TNXB: variants seen among roughly 807,000 people sequenced by gnomAD.
TNXB encodes tenascin XB, also known as tenascin-X.
TNXB carries 183 observed loss-of-function variants against 340.5 expected under a neutral mutation model. The observed-to-expected ratio is 0.54, with a 90% CI of 0.48 to 0.61. The LOEUF is 0.61. TNXB is among the 20% of genes least tolerant of loss of function. TNXB has a pLI of 0.00. For missense variants in TNXB, 4,613 were observed against 5,446.4 expected (o/e 0.85, Z 4.82); for synonymous variants, 2,121 against 2,314.5 (o/e 0.92, Z 2.40).
chr6:32,083,994 C>T lies in TNXB; in HGVS notation c.3445+419G>A, dbSNP rs961418598. Among the ~76,000 whole-genome samples the T allele has an allele frequency of 3.3e-5, 5 of 152,184 alleles. No homozygotes were observed. The highest frequency in any genetic ancestry group is 7.4e-5 in the Non-Finnish European group (5 of 68,018). ...CTCTTAACTCACTTCTCCAGCTAGT[C>T]TCAGCAGCCACCCGGTTATTTGCAA... On this transcript the variant is annotated intron_variant, in intron 8 of 43. Transcript: ENST00000644971. The surrounding 1 kb of genome is among the most constrained non-coding windows in gnomAD (Gnocchi z 4.6).
rs763079484 is a variant in TNXB, at chr6:32,097,147, G to C, written c.706C>G (p.Arg236Gly). The C allele has an allele frequency of 3.1e-6, 5 of 1,597,476 alleles. No individual in the cohort carries two copies. Among genetic ancestry groups the C allele is most frequent in the South Asian group, 2.2e-5 (2 of 89,012 alleles). ...GRCVQGVCVC[R>G]AGFSGPDCSQ... is the part of the protein sequence containing the mutation. ...CAGTCGGGGCCTGAGAAGCCTGCCC[G>C]GCACACACACACGCCCTGCACGCAG... The change falls in exon 3 of 44, where the codon CGG becomes GGG. Residue 236 changes from arginine (R) to glycine (G), a missense_variant. By Grantham distance (125) the Arg-to-Gly change is moderately radical. Transcript: ENST00000644971. This position sits in a 1 kb window ranked among gnomAD's most constrained non-coding sequence, Gnocchi z 5.9.
Position 32,067,966 on chromosome 6 carries a change from G to A in TNXB, c.6239C>T (p.Pro2080Leu), listed in dbSNP as rs1363390516. The part of the protein sequence containing the change: ...VGVTAAEEET[P>L]SPTEPSMEAP... ...CTCCATGCTGGGTTCTGTGGGGCTG[G>A]GGGTCTCTTCCTCTGCAGCTGAGAA... is the stretch of plus-strand genomic sequence containing the variant. The change falls in exon 18 of 44, where the codon CCC becomes CTC. Residue 2080 changes from proline (P) to leucine (L), a missense_variant. Physicochemically the swap from Pro to Leu is moderately conservative, Grantham distance 98. Transcript: ENST00000644971. This position sits in a 1 kb window ranked among gnomAD's most constrained non-coding sequence, Gnocchi z 4.2. 1.9e-6 allele frequency: 3 copies of A among 1,611,782 alleles called. No individual in the cohort carries two copies. Among genetic ancestry groups the A allele is most frequent in the Non-Finnish European group, 2.5e-6 (3 of 1,179,282 alleles).
chr6:32,086,989 T>A (rs1779813612), intron 6 of TNXB, among the ~76,000 whole-genome samples: 1 of 152,166 alleles, frequency 6.6e-6, no homozygotes, highest in African/African-American at 2.4e-5. Flanking sequence ...ATCCTGGAAG[T>A]GTCCCGGGAA....
rs1386788992 is a variant in TNXB at position 32,056,913 on chromosome 6, GAC to G, written c.7826-12_7826-11del. On this transcript the variant is annotated splice_polypyrimidine_tract_variant and intron_variant, in intron 22 of 43. Coordinates refer to ENST00000644971, the MANE Select transcript of TNXB (RefSeq NM_001365276.2). ...GTCTCGGCTTCATCCTCTGGAGTTG[GAC>G]AGACACGTGTGGGGACAGTGAGGTC... 1 of 1,609,812 alleles carries G rather than the reference GAC, an allele frequency of 6.2e-7. No homozygotes were observed. Among genetic ancestry groups the G allele is most frequent in the African/African-American group, 1.3e-5 (1 of 74,798 alleles).
rs780319504 is a variant in TNXB at position 32,087,823 on chromosome 6, CG to C, written c.2779+961del. ...GGCCGTCAGGTTGCCCCAAGGCCGC[CG>C]TGGGGGCTGGGACAGGCTTGGCCTG... On this transcript the variant is annotated intron_variant, in intron 6 of 43. Transcript: ENST00000644971. The surrounding 1 kb of genome is among the most constrained non-coding windows in gnomAD (Gnocchi z 9.0). The C allele has an allele frequency of 2.0e-6, 1 of 506,384 alleles. No homozygotes were observed. Among genetic ancestry groups the C allele is most frequent in the South Asian group, 1.4e-5 (1 of 70,216 alleles). 31.4% of individuals were successfully genotyped at this position (506,384 alleles called of 1,614,324 possible). A position where few individuals can be genotyped will look rare whatever the true frequency, so the allele number is the denominator to read the frequency against.
rs775937767 is a variant in TNXB, at chr6:32,062,366, CTGAGGG to C, written c.6953_6958del (p.Ser2318_Ser2320delinsCys). On this transcript the variant is annotated inframe_deletion, in exon 20 of 44. Transcript: ENST00000644971. This position sits in a 1 kb window ranked among gnomAD's most constrained non-coding sequence, Gnocchi z 4.3. ...TCCCTCGGGAACCGTCCAGGACAGG[CTGAGGG>C]AGTCAGGGGTCGCATCTGTCACGGT... 34 of 1,613,470 alleles carry C rather than the reference CTGAGGG, an allele frequency of 2.1e-5. No homozygotes were observed. The Admixed American group carries it at 5.5e-4, about 26-fold the overall frequency.
rs1777833085 is a variant in TNXB at position 32,058,667 on chromosome 6, A to G, written c.7493-277T>C. On this transcript the variant is annotated intron_variant, in intron 21 of 43. Coordinates refer to ENST00000644971, the MANE Select transcript of TNXB (RefSeq NM_001365276.2). The surrounding 1 kb of genome is among the most constrained non-coding windows in gnomAD (Gnocchi z 5.1). Reference sequence around the variant, plus strand: ...GCCAAAGTAATTCTCATTTCCTTTGACCCAATAATCCCAGTTCTGGGCATC... The same window carrying G: ...GCCAAAGTAATTCTCATTTCCTTTGGCCCAATAATCCCAGTTCTGGGCATC... 6.6e-6 allele frequency among the ~76,000 whole-genome samples: 1 copy of G among 151,854 alleles called. No individual in the cohort carries two copies. Among genetic ancestry groups the G allele is most frequent in the Admixed American group, 6.5e-5 (1 of 15,280 alleles).
At position 32,074,766 on chromosome 6, in the gene TNXB, C is replaced by T. The variant is rs926563062; in HGVS notation, c.4376-814G>A. On this transcript the variant is annotated intron_variant, in intron 11 of 43. Coordinates refer to ENST00000644971, the MANE Select transcript of TNXB (RefSeq NM_001365276.2). The surrounding 1 kb of genome is among the most constrained non-coding windows in gnomAD (Gnocchi z 5.5). The stretch of plus-strand genomic sequence containing the variant: ...CGCCCTCTCGGCTCACCGCAACCTA[C>T]GCCTCCTGGGTTCAAGCGATTCTCC... 3.3e-5 allele frequency among the ~76,000 whole-genome samples: 5 copies of T among 152,038 alleles called. No individual in the cohort carries two copies. Among genetic ancestry groups the T allele is most frequent in the Admixed American group, 6.5e-5 (1 of 15,278 alleles).
At position 32,096,452 on chromosome 6, in the gene TNXB, A is replaced by T; in HGVS notation, c.1401T>A (p.Pro467=). 1 of 1,597,258 alleles carries T rather than the reference A, an allele frequency of 6.3e-7. No homozygotes were observed. Among genetic ancestry groups the T allele is most frequent in the South Asian group, 1.1e-5 (1 of 90,668 alleles). The change falls in exon 3 of 44, where the codon CCT becomes CCA. Residue 467 remains proline (P), a synonymous_variant. Transcript: ENST00000644971. Reference sequence around the variant, plus strand: ...AGCGGCCCCGGCCACGACAGTCCCCAGGACAGCTGCGCACACCGCAGTCCT... The same window carrying T: ...AGCGGCCCCGGCCACGACAGTCCCCTGGACAGCTGCGCACACCGCAGTCCT... The part of the protein sequence containing the change: ...SGEDCGVRSC[P]GDCRGRGRCE...
intron 6 of TNXB, among the ~76,000 whole-genome samples, chr6:32,088,026 G>A (rs1239630596): frequency 6.6e-6 from 1 of 152,186 alleles, no homozygotes; most frequent in East Asian, 1.9e-4. Context: ...ACAGGTCAGT[G>A]GCAGCTCCCT....
Position 32,058,479 on chromosome 6 carries a change from GT to G in TNXB, c.7493-90del. ...TGTCAACAGAGGTCATACATCAAAT[GT>G]GCCCCTCCAGAGCAGGCTGAGGGCT... is the stretch of plus-strand genomic sequence containing the variant. On this transcript the variant is annotated intron_variant, in intron 21 of 43. Transcript: ENST00000644971. This position sits in a 1 kb window ranked among gnomAD's most constrained non-coding sequence, Gnocchi z 5.1. The G allele has an allele frequency of 8.4e-7, 1 of 1,183,784 alleles. No homozygotes were observed. Among genetic ancestry groups the G allele is most frequent in the South Asian group, 1.6e-5 (1 of 61,268 alleles). 73.3% of individuals were successfully genotyped at this position (1,183,784 alleles called of 1,614,324 possible). A position where few individuals can be genotyped will look rare whatever the true frequency, so the allele number is the denominator to read the frequency against.
chr6:32,042,321 C>T lies in TNXB; in HGVS notation c.12252G>A (p.Arg4084=), dbSNP rs1378845316. Residue 4084 remains arginine (R), a synonymous_variant, in exon 41 of 44, where the codon AGG becomes AGA. Coordinates refer to ENST00000644971, the MANE Select transcript of TNXB (RefSeq NM_001365276.2). ...RRMDGQTDFW[R]DWEDYAHGFG... is the part of the protein sequence containing the mutation. Reference sequence around the variant, plus strand: ...AACCATGGGCATAGTCCTCCCAGTCCCTCCAGAAGTCTGTCTGTCCATCCA... The same window carrying T: ...AACCATGGGCATAGTCCTCCCAGTCTCTCCAGAAGTCTGTCTGTCCATCCA... The T allele has an allele frequency of 5.3e-6, 8 of 1,519,506 alleles. No homozygotes were observed. The highest frequency in any genetic ancestry group is 6.3e-6 in the Non-Finnish European group (7 of 1,104,212). 94.1% of individuals were successfully genotyped at this position (1,519,506 alleles called of 1,614,324 possible). A position where few individuals can be genotyped will look rare whatever the true frequency, so the allele number is the denominator to read the frequency against.
chr6:32,103,931 A>C (rs1201802678), intron 1 of TNXB, among the ~76,000 whole-genome samples: 1 of 152,030 alleles, frequency 6.6e-6, no homozygotes, highest in Non-Finnish European at 1.5e-5. Context: ...AGGTTTCACC[A>C]TCTTGACCAG....
chr6:32,061,226 C>T lies in TNXB; in HGVS notation c.7492+171G>A, dbSNP rs1050535063. Among the ~76,000 whole-genome samples, 2 of 151,796 alleles carry T rather than the reference C, an allele frequency of 1.3e-5. No homozygotes were observed. The highest frequency in any genetic ancestry group is 4.9e-5 in the African/African-American group (2 of 41,084). On this transcript the variant is annotated intron_variant, in intron 21 of 43. Coordinates refer to ENST00000644971, the MANE Select transcript of TNXB (RefSeq NM_001365276.2). The surrounding 1 kb of genome is among the most constrained non-coding windows in gnomAD (Gnocchi z 4.4). ...GTGGTTGACCATTAGAGGGAGGCCA[C>T]GCCAAAGTGAACAAGCAAACCGCTA... is the stretch of plus-strand genomic sequence containing the variant.
At position 32,055,962 on chromosome 6, in the gene TNXB, C is replaced by T; in HGVS notation, c.8356G>A (p.Glu2786Lys). The T allele has an allele frequency of 6.2e-7, 1 of 1,613,508 alleles. No homozygotes were observed. The highest frequency in any genetic ancestry group is 8.5e-7 in the Non-Finnish European group (1 of 1,179,884). The change falls in exon 24 of 44, where the codon GAG (glutamate) becomes AAG (lysine). Residue 2786 changes from glutamate to lysine, a missense_variant. This residue lies in a region of TNXB where 4,327 missense variants were observed against 4,859.4 expected (regional missense o/e 0.89). Transcript: ENST00000644971. ...AGGCCCCCCACGGTGACCTCGCTCT[C>T]CTCGCCCCTGACACGCATCACCTGG... is the stretch of plus-strand genomic sequence containing the variant. ...RPQVMRVRGE[E>K]SEVTVGGLEP...
At position 32,052,701 on chromosome 6, in the gene TNXB, G is replaced by A. The variant is rs1378651176; in HGVS notation, c.9084C>T (p.Arg3028=). 5.0e-6 allele frequency: 8 copies of A among 1,613,416 alleles called. No homozygotes were observed. Among genetic ancestry groups the A allele is most frequent in the African/African-American group, 1.3e-5 (1 of 74,910 alleles). Residue 3028 remains arginine, a synonymous_variant, in exon 26 of 44, where the codon CGC becomes CGT. Transcript: ENST00000644971. This position sits in a 1 kb window ranked among gnomAD's most constrained non-coding sequence, Gnocchi z 4.7. ...CACCCACAGCGGACACTGGGCCCACGCGCTGCCCCTCGTGGAGGCCGTACA... is the reference window on the plus strand; with the variant it reads ...CACCCACAGCGGACACTGGGCCCACACGCTGCCCCTCGTGGAGGCCGTACA... The part of the protein sequence containing the change: ...MHLYGLHEGQ[R]VGPVSAVGVT...
intron 1 of TNXB, among the ~76,000 whole-genome samples, chr6:32,107,594 C>T (rs1781046347): frequency 6.6e-6 from 1 of 152,200 alleles, no homozygotes. Flanking sequence ...GCCTCACCCT[C>T]TTGGCACCCT....
At chr6:32,105,545 AC>A (rs1204874128) in intron 1 of TNXB, among the ~76,000 whole-genome samples, 1 of 152,148 alleles carries the variant, frequency 6.6e-6, no homozygotes, top group Admixed American at 6.5e-5. Context: ...ATAAATATTT[AC>A]CGACTATATG....
chr6:32,063,411 A>G (rs1481646977), intron 19 of TNXB, among the ~76,000 whole-genome samples: 2 of 152,064 alleles, frequency 1.3e-5, no homozygotes, highest in African/African-American at 4.8e-5. Context: ...AAAGAAAAAA[A>G]AAAAAAAGAA....
Sources: allele counts gnomAD v4.1 joint callset (sites outside exome capture counted in the v4.1 genomes callset), GRCh38; gene constraint gnomAD v4.1.1; regional missense constraint gnomAD v4.1.1; non-coding constraint Gnocchi (gnomAD v3.1); transcripts MANE v1.5; gene names NCBI Gene and HGNC (gene_info 2026-07-23, HGNC 2026-07-21).